The following FOXP2 variants were observed in gnomAD, a reference collection of about 807,000 sequenced individuals.
The protein encoded by FOXP2 is forkhead box P2, also known as forkhead box protein P2.
A neutral mutation model predicts 115.8 loss-of-function variants in FOXP2; 12 were observed. That is an observed-to-expected ratio of 0.10 (90% CI 0.07 to 0.17). FOXP2 has a LOEUF of 0.17. Among genes scored for constraint, FOXP2 ranks in the 10% least tolerant of loss-of-function variants. The probability of loss-of-function intolerance (pLI) is 1.00; values close to 1 mark genes in which losing one functional copy is unlikely to be tolerated. For synonymous variants in FOXP2, 328 were observed against 297.7 expected (o/e 1.10, Z -1.05); for missense variants, 629 against 843.5 (o/e 0.75, Z 3.15).
chr7:114,495,388 G>C (rs1418978686), intron 2 of FOXP2, among the ~76,000 whole-genome samples: 1 of 149,264 alleles, frequency 6.7e-6, no homozygotes, highest in Non-Finnish European at 1.5e-5. Context: ...AGTAACTGCT[G>C]TAATGTATTT....
chr7:114,504,485 G>A (rs1009656596), intron 2 of FOXP2, among the ~76,000 whole-genome samples: 1 of 151,168 alleles, frequency 6.6e-6, no homozygotes, highest in African/African-American at 2.4e-5. Flanking sequence ...CTGTTCCTTG[G>A]TGTCGACATT....
intron 16 of FOXP2, among the ~76,000 whole-genome samples, chr7:114,684,513 A>G (rs1296514196): frequency 6.6e-6 from 1 of 152,194 alleles, no homozygotes; most frequent in Non-Finnish European, 1.5e-5. Context: ...CTTGACAGTA[A>G]CTCAATATCT....
chr7:114,151,489 A>G (rs1379375775), intron 1 of FOXP2, among the ~76,000 whole-genome samples: 4 of 152,068 alleles, frequency 2.6e-5, no homozygotes, highest in African/African-American at 9.7e-5. Flanking sequence ...TGTTTTTTCA[A>G]AAAGGAGACA....
At chr7:114,232,194 A>C (rs998309740) in intron 1 of FOXP2, among the ~76,000 whole-genome samples, 1 of 152,174 alleles carries the variant, frequency 6.6e-6, no homozygotes, top group African/African-American at 2.4e-5. Flanking sequence ...CCATTATAAA[A>C]AACAAAACAA....
intron 2 of FOXP2, among the ~76,000 whole-genome samples, chr7:114,467,374 C>T (rs1353641623): frequency 6.6e-6 from 1 of 152,100 alleles, no homozygotes. Context: ...ATTTTCCATT[C>T]CCCACTTGCT....
At chr7:114,243,228 C>T (rs1024001115) in intron 1 of FOXP2, among the ~76,000 whole-genome samples, 1 of 127,844 alleles carries the variant, frequency 7.8e-6, no homozygotes. Context: ...GATAGCACAA[C>T]ACACTGAAAA....
chr7:114,204,054 A>AT (rs934917656), intron 1 of FOXP2, among the ~76,000 whole-genome samples: 3 of 151,724 alleles, frequency 2.0e-5, no homozygotes, highest in East Asian at 1.9e-4. Context: ...TTTTAAACAA[A>AT]TTTTTTTTCT....
At chr7:114,610,390 TG>T (rs1237581318) in intron 3 of FOXP2, among the ~76,000 whole-genome samples, 1 of 152,216 alleles carries the variant, frequency 6.6e-6, no homozygotes, top group Admixed American at 6.5e-5. Flanking sequence ...AAATAAATTC[TG>T]TTAAAAATTG....
intron 1 of FOXP2, among the ~76,000 whole-genome samples, chr7:114,265,459 T>C (rs1795873856): frequency 6.6e-6 from 1 of 152,152 alleles, no homozygotes; most frequent in Non-Finnish European, 1.5e-5. Context: ...CCCTGTGACA[T>C]TGTAGGGGTC....
chr7:114,581,599 A>C (rs1450296041), intron 3 of FOXP2, among the ~76,000 whole-genome samples: 1 of 152,128 alleles, frequency 6.6e-6, no homozygotes, highest in South Asian at 2.1e-4. Context: ...CCACTGTTCA[A>C]CCTATACTGA....
chr7:114,444,350 T>C (rs963468194), intron 2 of FOXP2, among the ~76,000 whole-genome samples: 9 of 152,174 alleles, frequency 5.9e-5, no homozygotes, highest in Admixed American at 5.9e-4. Flanking sequence ...GAACATGGAA[T>C]GACATTCAGA....
At chr7:114,449,436 C>A (rs894255689) in intron 2 of FOXP2, among the ~76,000 whole-genome samples, 2 of 151,960 alleles carry the variant, frequency 1.3e-5, no homozygotes, top group African/African-American at 4.8e-5. Context: ...CACACTTGTA[C>A]ATATCCCACT....
intron 3 of FOXP2, among the ~76,000 whole-genome samples, chr7:114,545,174 C>A (rs1799855580): frequency 1.3e-5 from 2 of 152,168 alleles, no homozygotes; most frequent in Admixed American, 1.3e-4. Context: ...ACCCCAAATT[C>A]TATTAATATA....
chr7:114,689,150 A>G (rs1054132427), intron 16 of FOXP2, among the ~76,000 whole-genome samples: 1 of 152,144 alleles, frequency 6.6e-6, no homozygotes, highest in Admixed American at 6.6e-5. Flanking sequence ...TGGCTGGTGT[A>G]TTCATGACAA....
At chr7:114,202,799 A>G (rs1794102273) in intron 1 of FOXP2, among the ~76,000 whole-genome samples, 1 of 152,162 alleles carries the variant, frequency 6.6e-6, no homozygotes. Context: ...AGTGCATATA[A>G]AATGCTTAGC....
chr7:114,654,212 A>G (rs965776509), intron 10 of FOXP2: 2 of 1,270,076 alleles, frequency 1.6e-6, no homozygotes, highest in Non-Finnish European at 2.1e-6. Flanking sequence ...AATCTACACC[A>G]TGGGTGACAC....
chr7:114,339,776 T>C lies in FOXP2; in HGVS notation c.-11+51667T>C, dbSNP rs1236454188. Among the ~76,000 whole-genome samples the C allele has an allele frequency of 2.0e-5, 3 of 151,150 alleles. No individual in the cohort carries two copies. The Admixed American group carries it at 2.0e-4, about 10-fold the overall frequency. On this transcript the variant is annotated intron_variant, in intron 2 of 17. Transcript: ENST00000634411. ...TGTGTTAAAAGCATCCAATTTCCCC[T>C]TTTTTTGGAATCTGTTGCTCTTTTA...
At chr7:114,512,779 A>C (rs569440596) in intron 2 of FOXP2, among the ~76,000 whole-genome samples, 14 of 152,210 alleles carry the variant, frequency 9.2e-5, no homozygotes, top group Admixed American at 7.9e-4. Flanking sequence ...CTTGGGGTCA[A>C]ATTAATTCTA....
rs1200813979 is a variant in FOXP2, at chr7:114,415,060, T to C, written c.-311T>C. 2.2e-6 allele frequency: 1 copy of C among 454,070 alleles called. No individual in the cohort carries two copies. Among genetic ancestry groups the C allele is most frequent in the Non-Finnish European group, 4.4e-6 (1 of 226,644 alleles). 28.1% of individuals were successfully genotyped at this position (454,070 alleles called of 1,614,324 possible). ...CATACCCTAGTGATTAAATGCTGAT[T>C]TTGTGTACGATTGTCCACGGACGCC... On this transcript the variant is annotated 5_prime_UTR_variant, in exon 1 of 17. Coordinates refer to ENST00000350908, the MANE Select transcript of FOXP2 (RefSeq NM_014491.4).
Sources: gnomAD v4.1 joint callset for allele counts (sites outside exome capture counted in the v4.1 genomes callset) on GRCh38, gnomAD v4.1.1 for gene constraint, MANE v1.5 for transcripts, NCBI Gene and HGNC (gene_info 2026-07-23, HGNC 2026-07-21) for gene names.